DOCK8: variants seen among roughly 807,000 people sequenced by gnomAD.
DOCK8 encodes dedicator of cytokinesis protein 8.
In DOCK8, 141 loss-of-function variants were observed where a neutral mutation model predicts 245.6. The ratio of observed to expected loss-of-function variants is 0.57; its 90% CI spans 0.50 to 0.66. The LOEUF (loss-of-function observed/expected upper bound fraction) is 0.66. Ranked by LOEUF, DOCK8 falls within the 30% of genes least tolerant of loss-of-function variation. The pLI is 0.00. For missense variants in DOCK8, 2,965 were observed against 2,603.4 expected (o/e 1.14, Z -3.02); for synonymous variants, 1,168 against 970.2 (o/e 1.20, Z -3.79).
At chr9:274,789 A>C (rs934942596) in intron 2 of DOCK8, among the ~76,000 whole-genome samples, 1 of 152,258 alleles carries the variant, frequency 6.6e-6, no homozygotes, top group Non-Finnish European at 1.5e-5. Context: ...AACTTTCCTT[A>C]AAATGAGAAG....
chr9:421,760 A>G (rs1002165074), intron 32 of DOCK8, among the ~76,000 whole-genome samples: 10 of 152,174 alleles, frequency 6.6e-5, no homozygotes, highest in African/African-American at 2.2e-4. Flanking sequence ...TTCATACCCA[A>G]TAATTCAGTA....
At chr9:260,267 CTGTCT>C (rs2047886531) in intron 1 of DOCK8, among the ~76,000 whole-genome samples, 1 of 152,192 alleles carries the variant, frequency 6.6e-6, no homozygotes, top group South Asian at 2.1e-4. Context: ...GGTAACCATA[CTGTCT>C]TGAGTCTTAC....
At chr9:365,654 A>C in intron 14 of DOCK8, 3 of 454,570 alleles carry the variant, frequency 6.6e-6, no homozygotes, top group African/African-American at 2.0e-5. Context: ...AGGTCGATGC[A>C]ATTATGCTTT....
chr9:280,821 C>T (rs1044262276), intron 2 of DOCK8: 4 of 152,198 alleles, frequency 2.6e-5, no homozygotes, highest in Non-Finnish European at 5.9e-5. Context: ...TGTAGCTCAC[C>T]CTGTCTGAAA....
Position 441,690 on chromosome 9 carries a change from C to T in DOCK8, c.5356-185C>T, listed in dbSNP as rs1043234530. ...AGTCCCAGAAATCTTTCATGGGATT[C>T]CTTTTGTTGTTATTTCTGAAGTTTA... On this transcript the variant is annotated intron_variant, in intron 41 of 47. Coordinates refer to ENST00000432829, the MANE Select transcript of DOCK8 (RefSeq NM_203447.4). 3.3e-5 allele frequency among the ~76,000 whole-genome samples: 5 copies of T among 152,216 alleles called. 1 individual carries two copies. The South Asian group carries it at 1.0e-3, about 32-fold the overall frequency.
chr9:316,940 T>C (rs2050372415), intron 6 of DOCK8, 103 bp from the exon 7 acceptor site: 1 of 921,862 alleles, frequency 1.1e-6, no homozygotes, highest in African/African-American at 1.6e-5. Context: ...AAATCTAAGT[T>C]AACTTGAGCC....
At chr9:447,719 T>C (rs556464785) in intron 44 of DOCK8, among the ~76,000 whole-genome samples, 37 of 152,316 alleles carry the variant, frequency 2.4e-4, no homozygotes, top group African/African-American at 8.2e-4. Context: ...CATAATCAAG[T>C]TGGTGAACAA....
intron 39 of DOCK8, 50 bp downstream of exon 39, chr9:435,025 G>A (rs775500187): frequency 6.3e-6 from 10 of 1,598,630 alleles, no homozygotes; most frequent in East Asian, 4.5e-5. Context: ...CAACTGGGGC[G>A]ATTTTGTCCC....
rs1327253650 is a variant in DOCK8 at position 263,292 on chromosome 9, T to G, written c.54-8335T>G. On this transcript the variant is annotated intron_variant, in intron 1 of 47. Transcript: ENST00000432829. ...TTTTTTTCCATTTTGCCCACTTGTT[T>G]CTTGTTGCTATAGTCATTACAACAA... 3.3e-5 allele frequency among the ~76,000 whole-genome samples: 5 copies of G among 152,304 alleles called. No homozygotes were observed. In the East Asian group the frequency reaches 9.6e-4, roughly 29 times the overall value.
chr9:281,579 C>G (rs548364015), intron 2 of DOCK8, among the ~76,000 whole-genome samples: 3 of 152,166 alleles, frequency 2.0e-5, no homozygotes, highest in East Asian at 3.9e-4. Context: ...CACTGTAACT[C>G]TCTCCAATAT....
At chr9:357,088 T>G (rs149032050) in intron 14 of DOCK8, among the ~76,000 whole-genome samples, 23 of 152,318 alleles carry the variant, frequency 1.5e-4, no homozygotes, top group African/African-American at 4.8e-4. Context: ...GAAGTGGGTT[T>G]TAAGGATGGC....
At chr9:374,496 C>T (rs367665575) in intron 18 of DOCK8, among the ~76,000 whole-genome samples, 25 of 109,516 alleles carry the variant, frequency 2.3e-4, no homozygotes, top group African/African-American at 8.0e-4. Context: ...GGGTCTTGCT[C>T]TGTCACTCAG....
chr9:340,616 G>T, intron 14 of DOCK8: 1 of 201,400 alleles, frequency 5.0e-6, no homozygotes, highest in Non-Finnish European at 9.5e-6. Context: ...ACCAGACTCT[G>T]TCTCAAAAAA....
chr9:375,097 T>A (rs1249289002), intron 18 of DOCK8, among the ~76,000 whole-genome samples: 1 of 152,188 alleles, frequency 6.6e-6, no homozygotes, highest in African/African-American at 2.4e-5. Context: ...TTTCAAATAT[T>A]GGTAATTAAT....
chr9:422,501 A>T (rs113697294), intron 33 of DOCK8, among the ~76,000 whole-genome samples: 3 of 152,246 alleles, frequency 2.0e-5, no homozygotes, highest in African/African-American at 7.2e-5. Flanking sequence ...GGAAATATGT[A>T]CAAGATATAC....
rs370490613 is a variant in DOCK8, at chr9:418,154, A to G, written c.3787A>G (p.Ile1263Val). ...CATTAACCAGAATGTGGCTCTGGCC[A>G]TAGCAGGGAATAATTTCAATTTGAA... Reference protein sequence around the residue: ...GAINQNVALAIAGNNFNLKTS... With the variant: ...GAINQNVALAVAGNNFNLKTS... The change falls in exon 30 of 48, where the codon ATA becomes GTA. Residue 1263 changes from isoleucine to valine, a missense_variant. This residue lies in a region of DOCK8 where 2,825 missense variants were observed against 2,453.5 expected (regional missense o/e 1.15). Coordinates refer to ENST00000432829, the MANE Select transcript of DOCK8 (RefSeq NM_203447.4). The G allele has an allele frequency of 5.1e-5, 83 of 1,614,138 alleles. No homozygotes were observed. The South Asian group carries it at 6.1e-4, about 12-fold the overall frequency.
chr9:433,973 C>T lies in DOCK8; in HGVS notation c.4884C>T (p.Tyr1628=), dbSNP rs150165600. Reference sequence around the variant, plus strand: ...CTGAGATGCTTATGGATCTCATGTACAGGTAAGCTTTCCTGACACACTCAA... The same window carrying T: ...CTGAGATGCTTATGGATCTCATGTATAGGTAAGCTTTCCTGACACACTCAA... ...EDPEMLMDLM[Y]RIAKSYQASP... is the part of the protein sequence containing the mutation. Residue 1628 remains tyrosine (Y), a splice_region_variant and synonymous_variant, in exon 38 of 48, where the codon TAC becomes TAT. Transcript: ENST00000432829. The T allele has an allele frequency of 8.7e-6, 14 of 1,611,276 alleles. No individual in the cohort carries two copies. The highest frequency in any genetic ancestry group is 1.3e-5 in the African/African-American group (1 of 74,954).
chr9:239,946 T>C (rs2047341957), intron 1 of DOCK8, among the ~76,000 whole-genome samples: 2 of 152,218 alleles, frequency 1.3e-5, no homozygotes, highest in African/African-American at 4.8e-5. Flanking sequence ...TTGAGCTACA[T>C]TGATTTCCAG....
chr9:238,098 C>G (rs780214682), intron 1 of DOCK8, among the ~76,000 whole-genome samples: 1 of 152,114 alleles, frequency 6.6e-6, no homozygotes, highest in Admixed American at 6.6e-5. Flanking sequence ...ACCTTCTAAT[C>G]ATTGAATAAT....
Sources: allele counts gnomAD v4.1 joint callset (sites outside exome capture counted in the v4.1 genomes callset), GRCh38; gene constraint gnomAD v4.1.1; regional missense constraint gnomAD v4.1.1; transcripts MANE v1.5; gene names NCBI Gene and HGNC (gene_info 2026-07-23, HGNC 2026-07-21).